FNDC3B: variants seen among roughly 807,000 people sequenced by gnomAD.
FNDC3B encodes fibronectin type III domain containing 3B.
FNDC3B carries 12 observed loss-of-function variants against 151.5 expected under a neutral mutation model. The observed-to-expected ratio is 0.08, with a 90% confidence interval of 0.05 to 0.13. The LOEUF (loss-of-function observed/expected upper bound fraction) is 0.13, where lower values mean the gene tolerates loss of function less well. FNDC3B is among the 10% of genes least tolerant of loss of function. The pLI is 1.00. For synonymous variants in FNDC3B, 528 were observed against 549.0 expected, an observed-to-expected ratio of 0.96 and a Z score of 0.54; for missense variants, 1,214 against 1,505.3, an observed-to-expected ratio of 0.81 and a Z score of 3.20.
intron 20 of FNDC3B, 80 bp from the exon 21 acceptor site, chr3:172,347,132 A>T: frequency 3.1e-6 from 4 of 1,284,646 alleles, no homozygotes; most frequent in Non-Finnish European, 2.1e-6. Flanking sequence ...TCTCTTTCCC[A>T]TTTTAGTTAA....
intron 3 of FNDC3B, among the ~76,000 whole-genome samples, chr3:172,143,046 C>G (rs986579875): frequency 3.3e-5 from 5 of 152,088 alleles, no homozygotes; most frequent in Admixed American, 6.6e-5. Flanking sequence ...CTAGTACCAC[C>G]CCTTCTAATA....
At chr3:172,075,745 A>G (rs1303219810) in intron 1 of FNDC3B, among the ~76,000 whole-genome samples, 4 of 151,588 alleles carry the variant, frequency 2.6e-5, no homozygotes, top group Admixed American at 2.6e-4. Context: ...ACACACACAC[A>G]CACACACACA....
chr3:172,211,831 A>T (rs1725745662), intron 3 of FNDC3B, among the ~76,000 whole-genome samples: 1 of 152,242 alleles, frequency 6.6e-6, no homozygotes. Context: ...ATTTTGTTCA[A>T]AACTTCAAGC....
intron 14 of FNDC3B, among the ~76,000 whole-genome samples, chr3:172,334,713 A>T (rs1732861323): frequency 6.6e-6 from 1 of 152,216 alleles, no homozygotes. Context: ...AAGTGTTAGG[A>T]TTACAGGCGT....
chr3:172,163,325 A>G (rs1224341864), intron 3 of FNDC3B, among the ~76,000 whole-genome samples: 1 of 152,152 alleles, frequency 6.6e-6, no homozygotes, highest in African/African-American at 2.4e-5. Flanking sequence ...TAACCCACCC[A>G]CATCATAGAG....
intron 1 of FNDC3B, among the ~76,000 whole-genome samples, chr3:172,103,927 A>G (rs2108526913): frequency 6.6e-6 from 1 of 152,292 alleles, no homozygotes; most frequent in East Asian, 1.9e-4. Context: ...TTCTGCATGA[A>G]CAATTATCAC....
In FNDC3B at chr3:172,329,074, C is replaced by A. The variant is rs759697052; in HGVS notation, c.1377C>A (p.Thr459=). 6.2e-7 allele frequency: 1 copy of A among 1,611,356 alleles called. No individual in the cohort carries two copies. Among genetic ancestry groups the A allele is most frequent in the South Asian group, 1.1e-5 (1 of 90,644 alleles). Residue 459 remains threonine (T), a splice_region_variant and synonymous_variant, in exon 12 of 26, where the codon ACC becomes ACA. Transcript: ENST00000415807. ...FRLAARNDIG[T]SGYSQEVVCY... The stretch of plus-strand genomic sequence containing the variant: ...TGGCCGCTCGAAACGACATTGGTAC[C>A]AGGTATGACGTTTCCTTGTCCTCTT...
chr3:172,311,604 C>T (rs576745369), intron 11 of FNDC3B, among the ~76,000 whole-genome samples: 12 of 151,812 alleles, frequency 7.9e-5, no homozygotes, highest in Admixed American at 3.9e-4. Flanking sequence ...CGATGACTCA[C>T]GCCTGTAATC....
intron 3 of FNDC3B, among the ~76,000 whole-genome samples, chr3:172,138,657 A>G (rs959675974): frequency 6.6e-6 from 1 of 152,248 alleles, no homozygotes; most frequent in Non-Finnish European, 1.5e-5. Context: ...TACTGATTAA[A>G]GTAAAATTCT....
rs536541292 is a variant in FNDC3B at position 172,146,288 on chromosome 3, A to G, written c.187+12742A>G. Among the ~76,000 whole-genome samples the G allele has an allele frequency of 2.4e-4, 36 of 152,328 alleles. 1 individual carries two copies. In the South Asian group the frequency reaches 7.5e-3, roughly 32 times the overall value. On this transcript the variant is annotated intron_variant, in intron 3 of 25. Transcript: ENST00000415807. The stretch of plus-strand genomic sequence containing the variant: ...ACCTGTTGAGTGACATAGTTCTTGA[A>G]TCATATGCCCAAGGAAAAGGACATG...
intron 4 of FNDC3B, among the ~76,000 whole-genome samples, chr3:172,229,019 T>G (rs1425577411): frequency 1.3e-5 from 2 of 151,888 alleles, no homozygotes; most frequent in Non-Finnish European, 2.9e-5. Context: ...ATGTCTTAGT[T>G]GTCTTGTTAT....
At chr3:172,265,787 T>C (rs1016355661) in intron 6 of FNDC3B, among the ~76,000 whole-genome samples, 1 of 152,198 alleles carries the variant, frequency 6.6e-6, no homozygotes, top group Non-Finnish European at 1.5e-5. Context: ...CAGGCCTAGA[T>C]TTACGGACAC....
chr3:172,156,711 T>TC (rs1559992818), intron 3 of FNDC3B, among the ~76,000 whole-genome samples: 9 of 150,986 alleles, frequency 6.0e-5, no homozygotes, highest in African/African-American at 2.2e-4. Flanking sequence ...TTTTTTTTTT[T>TC]TCCCCACTGT....
intron 11 of FNDC3B, among the ~76,000 whole-genome samples, chr3:172,311,313 G>T (rs546976861): frequency 1.3e-5 from 2 of 152,250 alleles, no homozygotes; most frequent in Admixed American, 1.3e-4. Flanking sequence ...CTGTTGAGTG[G>T]CCTCTGTGAG....
At position 172,347,283 on chromosome 3, in the gene FNDC3B, A is replaced by T; in HGVS notation, c.2436A>T (p.Glu812Asp). 1 of 1,613,942 alleles carries T rather than the reference A, an allele frequency of 6.2e-7. No individual in the cohort carries two copies. Among genetic ancestry groups the T allele is most frequent in the Non-Finnish European group, 8.5e-7 (1 of 1,179,924 alleles). The change falls in exon 21 of 26, where the codon GAA (glutamate) becomes GAT (aspartate). Residue 812 changes from glutamate (E) to aspartate (D), a missense_variant. Physicochemically the swap from Glu to Asp is conservative, Grantham distance 45. Around this residue, in one of 7 missense-constraint regions of FNDC3B, gnomAD observed 380 missense variants for 420.9 expected, o/e 0.90. Coordinates refer to ENST00000415807, the MANE Select transcript of FNDC3B (RefSeq NM_022763.4). The stretch of plus-strand genomic sequence containing the variant: ...GGGGAGAAGATGAAGAATCCTTAGA[A>T]CTCATTTATCATGGGACAGACACCC... Reference protein sequence around the residue: ...LEWGEDEESLELIYHGTDTRF... With the variant: ...LEWGEDEESLDLIYHGTDTRF...
chr3:172,380,673 A>G lies in FNDC3B; in HGVS notation c.3176-293A>G, dbSNP rs140361906. On this transcript the variant is annotated intron_variant, in intron 24 of 25. Coordinates refer to ENST00000415807, the MANE Select transcript of FNDC3B (RefSeq NM_022763.4). ...ATACCTAGGACAGGGCCTAAGCCAT[A>G]GAGGATACTCAATTGCCATAGGAGA... Among the ~76,000 whole-genome samples the G allele has an allele frequency of 2.6e-5, 4 of 152,330 alleles. No individual in the cohort carries two copies. The East Asian group carries it at 5.8e-4, about 22-fold the overall frequency.
chr3:172,330,721 T>C lies in FNDC3B; in HGVS notation c.1554+6T>C. 1 of 1,606,512 alleles carries C rather than the reference T, an allele frequency of 6.2e-7. No individual in the cohort carries two copies. Among genetic ancestry groups the C allele is most frequent in the East Asian group, 2.2e-5 (1 of 44,788 alleles). Reference sequence around the variant, plus strand: ...AAATTCAGGAGGATGAAAATGTGAGTTTTACAGATTTTATACTTCTCTGTG... The same window carrying C: ...AAATTCAGGAGGATGAAAATGTGAGCTTTACAGATTTTATACTTCTCTGTG... On this transcript the variant is annotated splice_donor_region_variant and intron_variant, in intron 13 of 25. Transcript: ENST00000415807.
chr3:172,220,519 T>A (rs1271786436), intron 3 of FNDC3B, among the ~76,000 whole-genome samples: 1 of 152,230 alleles, frequency 6.6e-6, no homozygotes, highest in Non-Finnish European at 1.5e-5. Flanking sequence ...GTTTCTAATT[T>A]TGATGAAGTT....
chr3:172,133,124 C>T (rs1721189206), intron 2 of FNDC3B, among the ~76,000 whole-genome samples: 1 of 152,314 alleles, frequency 6.6e-6, no homozygotes, highest in Admixed American at 6.5e-5. Context: ...CTAGATGCAG[C>T]TTTCTTCTGT....
Sources: allele counts gnomAD v4.1 joint callset (sites outside exome capture counted in the v4.1 genomes callset), GRCh38; gene constraint gnomAD v4.1.1; regional missense constraint gnomAD v4.1.1; transcripts MANE v1.5; gene names NCBI Gene and HGNC (gene_info 2026-07-23, HGNC 2026-07-21).